The following TRAPPC8 variants were observed in gnomAD, a reference collection of about 807,000 sequenced individuals.
TRAPPC8 encodes trafficking protein particle complex subunit 8, also known as general sporulation gene 1 homolog.
In TRAPPC8, 54 loss-of-function variants were observed where a neutral mutation model predicts 174.3. The observed-to-expected ratio is 0.31, with a 90% CI of 0.25 to 0.39. TRAPPC8 has a LOEUF of 0.39. TRAPPC8 is among the 10% of genes least tolerant of loss of function. The pLI is 1.00. For synonymous variants in TRAPPC8, 630 were observed against 579.9 expected (o/e 1.09, Z -1.24); for missense variants, 1,531 against 1,699.1 (o/e 0.90, Z 1.74).
intron 1 of TRAPPC8, among the ~76,000 whole-genome samples, chr18:31,942,200 G>A (rs2038374682): frequency 6.6e-6 from 1 of 152,184 alleles, no homozygotes; most frequent in South Asian, 2.1e-4. Context: ...AACATCCAAG[G>A]GAGGATGACA....
intron 12 of TRAPPC8, among the ~76,000 whole-genome samples, chr18:31,878,747 A>G (rs887808984): frequency 2.6e-5 from 4 of 152,230 alleles, no homozygotes; most frequent in African/African-American, 9.6e-5. Context: ...CTGTGTAACG[A>G]GATCCACAGG....
chr18:31,941,887 G>A (rs1481991206), intron 1 of TRAPPC8, among the ~76,000 whole-genome samples: 3 of 152,102 alleles, frequency 2.0e-5, no homozygotes, highest in Admixed American at 6.5e-5. Flanking sequence ...TGGAGAAAAC[G>A]GGTAGCTTCT....
At chr18:31,923,850 T>C (rs1475439493) in intron 2 of TRAPPC8, among the ~76,000 whole-genome samples, 1 of 152,056 alleles carries the variant, frequency 6.6e-6, no homozygotes, top group African/African-American at 2.4e-5. Flanking sequence ...CTATCTCTAG[T>C]TCTAAAAATA....
chr18:31,907,638 A>C (rs746462764), intron 8 of TRAPPC8, 28 bp from the exon 9 acceptor site: 9 of 1,540,984 alleles, frequency 5.8e-6, no homozygotes, highest in Admixed American at 1.8e-5. Context: ...AATAATTTAT[A>C]ATTTATTACC....
Position 31,931,377 on chromosome 18 carries a change from A to C in TRAPPC8, c.304T>G (p.Leu102Val), listed in dbSNP as rs772177434. The C allele has an allele frequency of 1.2e-6, 2 of 1,612,252 alleles. No individual in the cohort carries two copies. The highest frequency in any genetic ancestry group is 2.2e-5 in the South Asian group (2 of 90,632). ...CCTGCTGTAATCACATTAGCTACTA[A>C]TCCTTCTGCAGGCTGACTGCCAGAA... ...VVSGSQPAEG[L>V]VANVITAGDY... The change falls in exon 2 of 29, where the codon TTA becomes GTA. Residue 102 changes from leucine (L) to valine (V), a missense_variant. Leu to Val is a conservative substitution (Grantham distance 32, BLOSUM62 1). Coordinates refer to ENST00000283351, the MANE Select transcript of TRAPPC8 (RefSeq NM_014939.5).
intron 5 of TRAPPC8, among the ~76,000 whole-genome samples, chr18:31,911,248 G>A (rs571431894): frequency 2.6e-5 from 4 of 152,294 alleles, no homozygotes; most frequent in African/African-American, 4.8e-5. Flanking sequence ...CAGGCGCTGT[G>A]GCTTACGCCT....
chr18:31,860,952 G>C (rs1034509572), intron 19 of TRAPPC8, among the ~76,000 whole-genome samples: 2 of 152,116 alleles, frequency 1.3e-5, no homozygotes, highest in Admixed American at 1.3e-4. Flanking sequence ...TAAAAATCCA[G>C]ACATACACAG....
intron 2 of TRAPPC8, 103 bp downstream of exon 2, chr18:31,931,226 G>A: frequency 8.9e-7 from 1 of 1,120,332 alleles, no homozygotes; most frequent in Non-Finnish European, 1.2e-6. Context: ...CTAGCACTTA[G>A]TAAACTCTTA....
chr18:31,898,299 T>C (rs2036268431), intron 10 of TRAPPC8, among the ~76,000 whole-genome samples: 2 of 152,100 alleles, frequency 1.3e-5, no homozygotes, highest in South Asian at 4.1e-4. Context: ...TACATAGGGC[T>C]GACTGTAAAA....
At chr18:31,847,466 A>AT (rs1385708064) in intron 25 of TRAPPC8, among the ~76,000 whole-genome samples, 2 of 152,146 alleles carry the variant, frequency 1.3e-5, no homozygotes, top group Non-Finnish European at 2.9e-5. Flanking sequence ...CAAAGGCTTA[A>AT]TTTTTTTGAC....
chr18:31,834,340 C>T (rs1176140693), intron 27 of TRAPPC8, among the ~76,000 whole-genome samples: 1 of 152,100 alleles, frequency 6.6e-6, no homozygotes, highest in African/African-American at 2.4e-5. Context: ...GAACTCCTGA[C>T]CTCAGGAGAT....
chr18:31,852,298 G>A (rs955121639), intron 24 of TRAPPC8, 148 bp downstream of exon 24: 39 of 777,626 alleles, frequency 5.0e-5, no homozygotes, highest in East Asian at 2.7e-5. Context: ...CTGTGATCAC[G>A]CCACTGTACT....
At chr18:31,937,850 CCCA>C (rs1454823891) in intron 1 of TRAPPC8, among the ~76,000 whole-genome samples, 5 of 151,890 alleles carry the variant, frequency 3.3e-5, no homozygotes, top group African/African-American at 9.7e-5. Flanking sequence ...ACTACAAGCG[CCCA>C]CCACCACACC....
chr18:31,910,700 T>G (rs561868775), intron 5 of TRAPPC8, among the ~76,000 whole-genome samples: 124 of 152,306 alleles, frequency 8.1e-4, no homozygotes, highest in African/African-American at 2.8e-3. Context: ...TTTAAAGAAA[T>G]TAAAGCATTA....
chr18:31,883,299 T>C (rs2035550909), intron 12 of TRAPPC8: 1 of 148,660 alleles, frequency 6.7e-6, no homozygotes, highest in African/African-American at 2.5e-5. Flanking sequence ...ACAGAAAAGA[T>C]GACCAAAAAA....
At chr18:31,911,871 CAAAA>C (rs35950290) in intron 5 of TRAPPC8, among the ~76,000 whole-genome samples, 2 of 93,732 alleles carry the variant, frequency 2.1e-5, no homozygotes, top group Non-Finnish European at 4.4e-5. Flanking sequence ...GATCCTGTCT[CAAAA>C]AAAAAAAAAA....
At chr18:31,919,394 A>G (rs1278565093) in intron 2 of TRAPPC8, among the ~76,000 whole-genome samples, 4 of 151,796 alleles carry the variant, frequency 2.6e-5, no homozygotes, top group Non-Finnish European at 5.9e-5. Context: ...TTAGCCAGGC[A>G]TGGTGGCGCC....
At chr18:31,891,662 T>C (rs2035959161) in intron 11 of TRAPPC8, among the ~76,000 whole-genome samples, 1 of 152,182 alleles carries the variant, frequency 6.6e-6, no homozygotes, top group Non-Finnish European at 1.5e-5. Flanking sequence ...CACCAAAACT[T>C]TCTCCAGGTT....
chr18:31,898,532 C>T (rs149430196), intron 10 of TRAPPC8, among the ~76,000 whole-genome samples: 2 of 152,308 alleles, frequency 1.3e-5, no homozygotes, highest in Non-Finnish European at 2.9e-5. Context: ...ACATGTCACA[C>T]ATTATTTCTT....
Sources: gnomAD v4.1 joint callset for allele counts (sites outside exome capture counted in the v4.1 genomes callset) on GRCh38, gnomAD v4.1.1 for gene constraint, MANE v1.5 for transcripts, NCBI Gene and HGNC (gene_info 2026-07-23, HGNC 2026-07-21) for gene names.